CCS: variants seen among roughly 807,000 people sequenced by gnomAD.
CCS encodes copper chaperone for superoxide dismutase, also known as superoxide dismutase copper chaperone.
In CCS, 32 loss-of-function variants were observed where a neutral mutation model predicts 35.5. The observed-to-expected ratio is 0.90, with a 90% CI of 0.68 to 1.21. The LOEUF is 1.21. CCS is among the 50% of genes most tolerant of loss of function. The pLI is 0.00. For missense variants in CCS, 342 were observed against 375.4 expected, an observed-to-expected ratio of 0.91 and a Z score of 0.73; for synonymous variants, 130 against 147.2, an observed-to-expected ratio of 0.88 and a Z score of 0.84.
intron 2 of CCS, among the ~76,000 whole-genome samples, chr11:66,597,548 T>G (rs745427291): frequency 4.1e-5 from 6 of 147,220 alleles, no homozygotes; most frequent in East Asian, 4.1e-4. Flanking sequence ...GTCAGGAGAT[T>G]GAGACCATCC....
At chr11:66,596,825 G>A (rs1000310726) in intron 2 of CCS, among the ~76,000 whole-genome samples, 2 of 152,166 alleles carry the variant, frequency 1.3e-5, no homozygotes, top group African/African-American at 4.8e-5. Context: ...GACCACAAGG[G>A]GTGTGGTCCT....
At chr11:66,596,282 G>A (rs542741181) in intron 2 of CCS, among the ~76,000 whole-genome samples, 2 of 151,998 alleles carry the variant, frequency 1.3e-5, no homozygotes, top group South Asian at 4.2e-4. Context: ...GGCAAGGCTA[G>A]TATCGAACTC....
At position 66,599,153 on chromosome 11, in the gene CCS, G is replaced by A; in HGVS notation, c.150G>A (p.Met50Ile). The change falls in exon 3 of 8, where the codon ATG becomes ATA. Residue 50 changes from methionine to isoleucine, a missense_variant. Transcript: ENST00000533244. ...TGGAGGTGCACTTGGAGGACCAGAT[G>A]GTCTTGGTACACACCACTCTACCCA... Reference protein sequence around the residue: ...QDVEVHLEDQMVLVHTTLPSQ... With the variant: ...QDVEVHLEDQIVLVHTTLPSQ... 1 of 1,614,086 alleles carries A rather than the reference G, an allele frequency of 6.2e-7. No homozygotes were observed. Among genetic ancestry groups the A allele is most frequent in the Non-Finnish European group, 8.5e-7 (1 of 1,180,006 alleles).
In CCS at chr11:66,602,297, G is replaced by T. The variant is rs573686699; in HGVS notation, c.489+1748G>T. On this transcript the variant is annotated intron_variant, in intron 5 of 7. Coordinates refer to ENST00000533244, the MANE Select transcript of CCS (RefSeq NM_005125.2). ...CTGCAGTCATCTCAGGGCCCCACGTGGGGAGAATCTGCTTCCAGGTTTGCT... is the reference window on the plus strand; with the variant it reads ...CTGCAGTCATCTCAGGGCCCCACGTTGGGAGAATCTGCTTCCAGGTTTGCT... Among the ~76,000 whole-genome samples the T allele has an allele frequency of 3.3e-5, 5 of 152,302 alleles. No individual in the cohort carries two copies. The East Asian group carries it at 7.7e-4, about 24-fold the overall frequency.
chr11:66,596,947 T>A (rs766736549), intron 2 of CCS, among the ~76,000 whole-genome samples: 3 of 152,226 alleles, frequency 2.0e-5, no homozygotes, highest in African/African-American at 4.8e-5. Context: ...CACAACTTAC[T>A]ACAGTGCGAC....
At chr11:66,600,649 T>G (rs1236326611) in intron 5 of CCS, 100 bp downstream of exon 5, 2 of 553,448 alleles carry the variant, frequency 3.6e-6, no homozygotes, top group East Asian at 6.1e-5. Flanking sequence ...GATTCCTTTT[T>G]GGTGGAGTCT....
chr11:66,605,929 C>CTT lies in CCS; in HGVS notation c.*76_*77dup. ...CCACTTCCAGAGGGGGCCAGAGGGACTTTGCCTGCCCAGTCTTTGGAGAGC... is the reference window on the plus strand; with the variant it reads ...CCACTTCCAGAGGGGGCCAGAGGGACTTTTTGCCTGCCCAGTCTTTGGAGAGC... On this transcript the variant is annotated 3_prime_UTR_variant, in exon 8 of 8. Transcript: ENST00000533244. 1 of 1,411,448 alleles carries CTT rather than the reference C, an allele frequency of 7.1e-7. No homozygotes were observed. Among genetic ancestry groups the CTT allele is most frequent in the Non-Finnish European group, 9.3e-7 (1 of 1,076,294 alleles). 87.4% of individuals were successfully genotyped at this position (1,411,448 alleles called of 1,614,324 possible). A position where few individuals can be genotyped will look rare whatever the true frequency, so the allele number is the denominator to read the frequency against.
intron 5 of CCS, among the ~76,000 whole-genome samples, chr11:66,604,327 G>A (rs942135828): frequency 1.3e-5 from 2 of 152,142 alleles, no homozygotes; most frequent in African/African-American, 2.4e-5. Flanking sequence ...AACGCAGGGC[G>A]TAAAAAAAAG....
At chr11:66,601,090 G>T (rs917537159) in intron 5 of CCS, among the ~76,000 whole-genome samples, 3 of 152,008 alleles carry the variant, frequency 2.0e-5, no homozygotes, top group Non-Finnish European at 2.9e-5. Flanking sequence ...CAATCATTTG[G>T]TTTTTTTATT....
intron 3 of CCS, 76 bp from the exon 4 acceptor site, chr11:66,599,383 C>T: frequency 6.7e-7 from 1 of 1,489,748 alleles, no homozygotes; most frequent in South Asian, 1.4e-5. Context: ...ATGTGAGACT[C>T]CCTGCCCTTC....
intron 2 of CCS, among the ~76,000 whole-genome samples, chr11:66,596,679 C>T (rs1414272150): frequency 2.0e-5 from 3 of 152,174 alleles, no homozygotes; most frequent in Non-Finnish European, 2.9e-5. Flanking sequence ...CGCGCCCGGC[C>T]GACAACTGAC....
At chr11:66,601,037 T>C (rs956405936) in intron 5 of CCS, among the ~76,000 whole-genome samples, 4 of 152,240 alleles carry the variant, frequency 2.6e-5, no homozygotes, top group African/African-American at 9.6e-5. Context: ...GTTGCCTTAA[T>C]GATTTTTGCC....
At chr11:66,599,807 G>A (rs1399599619) in intron 4 of CCS, 171 bp downstream of exon 4, 2 of 647,306 alleles carry the variant, frequency 3.1e-6, no homozygotes, top group South Asian at 2.0e-5. Context: ...AAAAGGTAGA[G>A]TTGGGGTTTG....
In CCS at chr11:66,599,820, T is replaced by A. The variant is rs1689136045; in HGVS notation, c.428+184T>A. On this transcript the variant is annotated intron_variant, in intron 4 of 7. Transcript: ENST00000533244. ...GTAAAAGGTAGAGTTGGGGTTTGAG[T>A]CAAGATCTGACCTTGGCTGGGCACA... 2.7e-5 allele frequency: 16 copies of A among 602,466 alleles called. 1 individual carries two copies. The South Asian group carries it at 3.5e-4, about 13-fold the overall frequency. 37.3% of individuals were successfully genotyped at this position (602,466 alleles called of 1,614,324 possible). A position where few individuals can be genotyped will look rare whatever the true frequency, so the allele number is the denominator to read the frequency against.
At chr11:66,594,363 AAAT>A (rs780094255) in intron 2 of CCS, among the ~76,000 whole-genome samples, 2 of 152,078 alleles carry the variant, frequency 1.3e-5, no homozygotes, top group South Asian at 4.1e-4. Flanking sequence ...CGTCTCAAAA[AAAT>A]AATAATAATA....
intron 5 of CCS, among the ~76,000 whole-genome samples, chr11:66,603,468 T>C (rs1462540732): frequency 6.6e-6 from 1 of 152,170 alleles, no homozygotes; most frequent in Non-Finnish European, 1.5e-5. Context: ...CCCAGCACTT[T>C]GGGAGGCTGA....
chr11:66,600,411 C>A, intron 4 of CCS, 78 bp from the exon 5 acceptor site: 1 of 831,970 alleles, frequency 1.2e-6, no homozygotes, highest in Non-Finnish European at 1.8e-6. Flanking sequence ...ATGAATGAAG[C>A]AAATATAAAT....
In CCS at chr11:66,605,690, A is replaced by G. The variant is rs745347041; in HGVS notation, c.672-12A>G. 1.3e-6 allele frequency: 2 copies of G among 1,574,940 alleles called. No homozygotes were observed. Among genetic ancestry groups the G allele is most frequent in the Middle Eastern group, 1.7e-4 (1 of 5,870 alleles). On this transcript the variant is annotated splice_polypyrimidine_tract_variant and intron_variant, in intron 7 of 7. Transcript: ENST00000533244. ...AACAGGTACCCACCCCTGACCACAC[A>G]TTCTTCTGCAGGTTGGCCTGTGGCA... is the stretch of plus-strand genomic sequence containing the variant.
At chr11:66,599,966 A>C in intron 4 of CCS, 1 of 238,182 alleles carries the variant, frequency 4.2e-6, no homozygotes, top group Non-Finnish European at 8.2e-6. Context: ...CAATACAAAA[A>C]AAAATTAGCC....
Sources: gnomAD v4.1 joint callset for allele counts (sites outside exome capture counted in the v4.1 genomes callset) on GRCh38, gnomAD v4.1.1 for gene constraint, MANE v1.5 for transcripts, NCBI Gene and HGNC (gene_info 2026-07-23, HGNC 2026-07-21) for gene names.